TAFA4: variants seen among roughly 807,000 people sequenced by gnomAD.
TAFA4 encodes TAFA chemokine like family member 4.
TAFA4 carries 20 observed loss-of-function variants against 21.1 expected under a neutral mutation model. The ratio of observed to expected loss-of-function variants is 0.95; its 90% confidence interval spans 0.67 to 1.38. TAFA4 has a LOEUF of 1.38. Among genes scored for constraint, TAFA4 ranks in the 40% most tolerant of loss-of-function variants. TAFA4 has a pLI of 0.00. For synonymous variants in TAFA4, 71 were observed against 67.4 expected (o/e 1.05, Z -0.26); for missense variants, 211 against 180.9 (o/e 1.17, Z -0.95).
At position 68,762,079 on chromosome 3, in the gene TAFA4, C is replaced by T. The variant is rs989900578; in HGVS notation, c.131-9061G>A. 2.0e-5 allele frequency among the ~76,000 whole-genome samples: 3 copies of T among 150,412 alleles called. No individual in the cohort carries two copies. In the East Asian group the frequency reaches 5.8e-4, roughly 29 times the overall value. On this transcript the variant is annotated intron_variant, in intron 3 of 5. Transcript: ENST00000295569. ...AGGAAAGACATTTGCTCATTATTGG[C>T]GTATGTATCTAGTATTAAAGCCATG... is the stretch of plus-strand genomic sequence containing the variant.
chr3:68,775,611 G>T lies in TAFA4; in HGVS notation c.131-22593C>A, dbSNP rs144706619. Among the ~76,000 whole-genome samples, 931 of 152,170 alleles carry T rather than the reference G, an allele frequency of 6.1e-3. 10 individuals carry two copies. The highest frequency in any genetic ancestry group is 0.024 in the South Asian group (113 of 4,798). ...TTCTTCCACGTTGCAGGGTGTTCGGGGTTTGCTCAAAGCTGAGGGTGAAGC... is the reference window on the plus strand; with the variant it reads ...TTCTTCCACGTTGCAGGGTGTTCGGTGTTTGCTCAAAGCTGAGGGTGAAGC... On this transcript the variant is annotated intron_variant, in intron 3 of 5. Coordinates refer to ENST00000295569, the MANE Select transcript of TAFA4 (RefSeq NM_182522.5).
chr3:68,816,416 T>C (rs1453209023), intron 3 of TAFA4, among the ~76,000 whole-genome samples: 1 of 152,236 alleles, frequency 6.6e-6, no homozygotes, highest in African/African-American at 2.4e-5. Flanking sequence ...TAGTTTCCAG[T>C]TGAAAAATCG....
chr3:68,914,780 T>C (rs1287543675), intron 1 of TAFA4, among the ~76,000 whole-genome samples: 1 of 152,208 alleles, frequency 6.6e-6, no homozygotes, highest in Non-Finnish European at 1.5e-5. Context: ...ACAAACTTTG[T>C]CCATGGGCCA....
At chr3:68,869,365 G>A (rs1371256466) in intron 3 of TAFA4, among the ~76,000 whole-genome samples, 5 of 151,874 alleles carry the variant, frequency 3.3e-5, no homozygotes, top group Non-Finnish European at 7.4e-5. Flanking sequence ...ACTCTACAAG[G>A]CCAGCATTGC....
intron 3 of TAFA4, among the ~76,000 whole-genome samples, chr3:68,842,362 T>C (rs1340014768): frequency 6.6e-6 from 1 of 152,214 alleles, no homozygotes; most frequent in Non-Finnish European, 1.5e-5. Context: ...GAACTGTCTG[T>C]ACATATCCTT....
At chr3:68,805,811 G>C (rs573087988) in intron 3 of TAFA4, among the ~76,000 whole-genome samples, 1 of 151,950 alleles carries the variant, frequency 6.6e-6, no homozygotes, top group Non-Finnish European at 1.5e-5. Context: ...GTTGTGGGGT[G>C]GGGGGAGGAG....
intron 3 of TAFA4, among the ~76,000 whole-genome samples, chr3:68,811,641 A>T (rs1303039340): frequency 2.0e-5 from 3 of 152,224 alleles, no homozygotes; most frequent in Admixed American, 1.3e-4. Context: ...ATAAAAAGAA[A>T]TGAACAAAGC....
intron 3 of TAFA4, among the ~76,000 whole-genome samples, chr3:68,757,634 C>A (rs999083238): frequency 6.6e-6 from 1 of 152,174 alleles, no homozygotes; most frequent in Non-Finnish European, 1.5e-5. Context: ...TCCACAAGTA[C>A]AAATGGATTA....
At chr3:68,735,932 A>G (rs1320528981) in intron 5 of TAFA4, among the ~76,000 whole-genome samples, 1 of 152,154 alleles carries the variant, frequency 6.6e-6, no homozygotes, top group Non-Finnish European at 1.5e-5. Flanking sequence ...ACAAGATGCC[A>G]GTAGCATCCT....
chr3:68,926,336 G>T (rs1300079072), intron 1 of TAFA4, among the ~76,000 whole-genome samples: 1 of 152,054 alleles, frequency 6.6e-6, no homozygotes, highest in Admixed American at 6.5e-5. Context: ...TGGCAAAATT[G>T]GGTGGGTTTC....
chr3:68,801,644 G>T (rs1346941452), intron 3 of TAFA4, among the ~76,000 whole-genome samples: 1 of 152,146 alleles, frequency 6.6e-6, no homozygotes, highest in Non-Finnish European at 1.5e-5. Flanking sequence ...TGGCTCAAGG[G>T]TTAGTGAACC....
chr3:68,832,625 A>C (rs1174571053), intron 3 of TAFA4, among the ~76,000 whole-genome samples: 3 of 152,202 alleles, frequency 2.0e-5, no homozygotes, highest in Admixed American at 2.0e-4. Flanking sequence ...TCTCCCAGTC[A>C]GGCTACATGG....
chr3:68,736,207 G>T (rs1461213368), intron 5 of TAFA4, among the ~76,000 whole-genome samples: 1 of 151,740 alleles, frequency 6.6e-6, no homozygotes, highest in Non-Finnish European at 1.5e-5. Flanking sequence ...GGCAACCCCA[G>T]ATAGTAAAAA....
At chr3:68,751,588 T>G (rs907130618) in intron 4 of TAFA4, among the ~76,000 whole-genome samples, 4 of 152,310 alleles carry the variant, frequency 2.6e-5, no homozygotes, top group Admixed American at 6.5e-5. Flanking sequence ...ATCTTCATCT[T>G]TTTTTAATAG....
chr3:68,896,469 A>G (rs2089789870), intron 1 of TAFA4, among the ~76,000 whole-genome samples: 1 of 152,236 alleles, frequency 6.6e-6, no homozygotes, highest in South Asian at 2.1e-4. Context: ...CAGGTTCTCA[A>G]TAAGTCTGTG....
chr3:68,876,197 A>C (rs548780470), intron 3 of TAFA4, among the ~76,000 whole-genome samples: 90 of 152,278 alleles, frequency 5.9e-4, no homozygotes, highest in African/African-American at 2.0e-3. Flanking sequence ...GGTTAAATAA[A>C]ATGTGTTAGT....
At chr3:68,906,886 C>G (rs1230969898) in intron 1 of TAFA4, among the ~76,000 whole-genome samples, 1 of 151,880 alleles carries the variant, frequency 6.6e-6, no homozygotes, top group African/African-American at 2.4e-5. Flanking sequence ...AAAATATTAG[C>G]TGGGCATGGT....
chr3:68,812,291 A>C lies in TAFA4; in HGVS notation c.131-59273T>G, dbSNP rs549174697. ...CTAACGAGCAAAATAACCAGCTAAC[A>C]TCAAAATGACAGGATCAAATTCACA... On this transcript the variant is annotated intron_variant, in intron 3 of 5. Coordinates refer to ENST00000295569, the MANE Select transcript of TAFA4 (RefSeq NM_182522.5). 2.8e-3 allele frequency among the ~76,000 whole-genome samples: 422 copies of C among 152,308 alleles called. 1 individual carries two copies. Among genetic ancestry groups the C allele is most frequent in the African/African-American group, 9.6e-3 (398 of 41,570 alleles).
chr3:68,903,284 G>A (rs995494643), intron 1 of TAFA4, among the ~76,000 whole-genome samples: 1 of 151,934 alleles, frequency 6.6e-6, no homozygotes, highest in African/African-American at 2.4e-5. Flanking sequence ...AGAATCAGGG[G>A]TCCATAAACC....
Sources: gnomAD v4.1 joint callset for allele counts (sites outside exome capture counted in the v4.1 genomes callset) on GRCh38, gnomAD v4.1.1 for gene constraint, MANE v1.5 for transcripts, NCBI Gene and HGNC (gene_info 2026-07-23, HGNC 2026-07-21) for gene names.